The following ZC3H4 variants were observed in gnomAD, a reference collection of about 807,000 sequenced individuals.
ZC3H4 encodes the protein zinc finger CCCH-type containing 4, also known as zinc finger CCCH domain-containing protein 4.
ZC3H4 carries 13 observed loss-of-function variants against 108.3 expected under a neutral mutation model. The observed-to-expected ratio is 0.12, with a 90% CI of 0.08 to 0.19. The LOEUF (loss-of-function observed/expected upper bound fraction) is 0.19, where lower values mean the gene tolerates loss of function less well. Ranked by LOEUF, ZC3H4 falls within the 10% of genes least tolerant of loss-of-function variation. The pLI, the probability that ZC3H4 is intolerant of heterozygous loss-of-function variation, is 1.00. For missense variants in ZC3H4, 1,734 were observed against 1,838.8 expected (o/e 0.94, Z 1.04); for synonymous variants, 917 against 749.6 (o/e 1.22, Z -3.65).
rs377724718 is a variant in ZC3H4 at position 47,066,522 on chromosome 19, T to C, written c.3746A>G (p.Asn1249Ser). The C allele has an allele frequency of 4.9e-5, 77 of 1,571,836 alleles. No homozygotes were observed. Among genetic ancestry groups the C allele is most frequent in the Admixed American group, 2.5e-4 (14 of 56,742 alleles). Residue 1249 changes from asparagine (N) to serine (S), a missense_variant, in exon 15 of 15, where the codon AAC (asparagine) becomes AGC (serine). By Grantham distance (46) the Asn-to-Ser change is conservative. This residue lies in a region of ZC3H4 where 518 missense variants were observed against 499.6 expected (regional missense o/e 1.04). Transcript: ENST00000253048. Reference sequence around the variant, plus strand: ...CCCGAAGAGGGTGGGCACGGGCAGGTTGTGCACCCCGGGCTGGGGTGGGGC... The same window carrying C: ...CCCGAAGAGGGTGGGCACGGGCAGGCTGTGCACCCCGGGCTGGGGTGGGGC... ...EGAPPQPGVH[N>S]LPVPTLFGTV...
intron 11 of ZC3H4, among the ~76,000 whole-genome samples, chr19:47,077,861 C>CAAAAAAAAAAAAAAAAAAAAAAA (rs767129835): frequency 1.4e-5 from 1 of 72,298 alleles, no homozygotes; most frequent in Non-Finnish European, 3.3e-5. Context: ...CCGTCTCAAA[C>CAAAAAAAAAAAAAAAAAAAAAAA]AAAAAAAAAA....
intron 3 of ZC3H4, 145 bp from the exon 4 acceptor site, chr19:47,094,225 T>C (rs2057785218): frequency 9.1e-7 from 1 of 1,096,492 alleles, no homozygotes; most frequent in Non-Finnish European, 1.3e-6. Context: ...TTAGTGGCAA[T>C]GAAGCATAAG....
At chr19:47,078,339 A>G (rs1159076166) in intron 11 of ZC3H4, among the ~76,000 whole-genome samples, 1 of 151,826 alleles carries the variant, frequency 6.6e-6, no homozygotes, top group East Asian at 1.9e-4. Flanking sequence ...CCAGGCACGG[A>G]CGGGCATGGT....
At chr19:47,086,280 G>GT (rs1555781862) in intron 6 of ZC3H4, 104 bp downstream of exon 6, 5 of 1,347,368 alleles carry the variant, frequency 3.7e-6, no homozygotes, top group South Asian at 1.3e-5. Flanking sequence ...CAGAAGGGCC[G>GT]TATGTCTTCC....
chr19:47,107,319 T>C (rs1477584709), intron 2 of ZC3H4, among the ~76,000 whole-genome samples: 1 of 152,082 alleles, frequency 6.6e-6, no homozygotes, highest in Non-Finnish European at 1.5e-5. Flanking sequence ...ATTCACTGAA[T>C]GCTGGCATTG....
At chr19:47,082,317 C>T (rs754162239) in intron 9 of ZC3H4, 22 bp from the exon 10 acceptor site, 4 of 1,572,152 alleles carry the variant, frequency 2.5e-6, no homozygotes, top group Non-Finnish European at 3.5e-6. Context: ...GCAACAAAAA[C>T]ATAAGGTGGT....
intron 4 of ZC3H4, among the ~76,000 whole-genome samples, chr19:47,092,360 C>A (rs548492464): frequency 1.3e-5 from 2 of 152,198 alleles, no homozygotes; most frequent in Admixed American, 6.5e-5. Context: ...ATAAAAAGCA[C>A]GCAATGTTCC....
At chr19:47,105,616 C>A (rs1232882899) in intron 2 of ZC3H4, among the ~76,000 whole-genome samples, 2 of 151,918 alleles carry the variant, frequency 1.3e-5, no homozygotes, top group African/African-American at 4.8e-5. Flanking sequence ...CACAAACCAA[C>A]AAAAAAACAC....
chr19:47,070,839 GC>G (rs2057312705), intron 13 of ZC3H4, among the ~76,000 whole-genome samples: 1 of 152,076 alleles, frequency 6.6e-6, no homozygotes, highest in Admixed American at 6.6e-5. Context: ...TGCCGCTCCT[GC>G]CCACCTTGCA....
At chr19:47,110,736 C>G (rs1379410840) in intron 2 of ZC3H4, among the ~76,000 whole-genome samples, 2 of 152,192 alleles carry the variant, frequency 1.3e-5, no homozygotes, top group African/African-American at 4.8e-5. Flanking sequence ...CACCTGCCCC[C>G]GGAGAGGGGG....
At position 47,073,571 on chromosome 19, in the gene ZC3H4, C is replaced by CA. The variant is rs199893460; in HGVS notation, c.1441-859dup. Among the ~76,000 whole-genome samples, 702 of 152,288 alleles carry CA rather than the reference C, an allele frequency of 4.6e-3. 3 individuals are homozygous for CA. The highest frequency in any genetic ancestry group is 0.016 in the African/African-American group (672 of 41,558). ...TGAGCGACAGAGCCAGACTCCATCT[C>CA]AAAAAACAAAAACAAAACAAAGTGA... On this transcript the variant is annotated intron_variant, in intron 11 of 14. Transcript: ENST00000253048.
chr19:47,073,264 T>C (rs1162370940), intron 11 of ZC3H4, among the ~76,000 whole-genome samples: 4 of 151,772 alleles, frequency 2.6e-5, no homozygotes, highest in African/African-American at 7.3e-5. Context: ...CAGAGGAGAC[T>C]CTGTCTCAAA....
intron 9 of ZC3H4, 150 bp downstream of exon 9, chr19:47,084,195 G>GC: frequency 1.4e-6 from 1 of 698,140 alleles, no homozygotes; most frequent in Non-Finnish European, 2.4e-6. Flanking sequence ...GGCCGCCCAG[G>GC]CAACTCCCAG....
intron 11 of ZC3H4, among the ~76,000 whole-genome samples, chr19:47,078,905 T>C (rs1285114732): frequency 1.3e-5 from 2 of 151,686 alleles, no homozygotes; most frequent in African/African-American, 4.8e-5. Flanking sequence ...TGGGCGCCTG[T>C]AATCCCAGCT....
chr19:47,100,149 G>A (rs1050945776), intron 2 of ZC3H4, among the ~76,000 whole-genome samples: 1 of 152,170 alleles, frequency 6.6e-6, no homozygotes, highest in African/African-American at 2.4e-5. Context: ...AAGGCGCAGG[G>A]CCTTTGCTTC....
intron 4 of ZC3H4, 121 bp downstream of exon 4, chr19:47,093,849 T>A: frequency 1.3e-6 from 1 of 759,774 alleles, no homozygotes; most frequent in South Asian, 2.2e-5. Flanking sequence ...ATTAAATTAA[T>A]ACCTGATGGC....
chr19:47,082,664 C>T (rs1017174387), intron 9 of ZC3H4, among the ~76,000 whole-genome samples: 10 of 152,106 alleles, frequency 6.6e-5, no homozygotes, highest in Non-Finnish European at 1.5e-4. Flanking sequence ...CCTCCCAGAC[C>T]TTGGATGTGA....
chr19:47,088,707 C>T (rs2057677274), intron 5 of ZC3H4, among the ~76,000 whole-genome samples: 2 of 152,046 alleles, frequency 1.3e-5, no homozygotes, highest in Non-Finnish European at 2.9e-5. Context: ...CCCAGGCTGG[C>T]CTCCAACTCC....
At chr19:47,097,523 G>T (rs1340209677) in intron 2 of ZC3H4, among the ~76,000 whole-genome samples, 1 of 152,158 alleles carries the variant, frequency 6.6e-6, no homozygotes, top group Non-Finnish European at 1.5e-5. Context: ...TGAACACGAG[G>T]TCTTGACTAT....
Sources: gnomAD v4.1 joint callset for allele counts (sites outside exome capture counted in the v4.1 genomes callset) on GRCh38, gnomAD v4.1.1 for gene constraint, gnomAD v4.1.1 regional missense constraint, MANE v1.5 for transcripts, NCBI Gene and HGNC (gene_info 2026-07-23, HGNC 2026-07-21) for gene names.